UNC80: variants seen among roughly 807,000 people sequenced by gnomAD.
The protein encoded by UNC80 is protein unc-80 homolog.
A neutral mutation model predicts 384.6 loss-of-function variants in UNC80; 164 were observed. The observed-to-expected ratio is 0.43, with a 90% CI of 0.38 to 0.49. UNC80 has a LOEUF of 0.49. Ranked by LOEUF, UNC80 falls within the 20% of genes least tolerant of loss-of-function variation. The pLI is 0.00. For synonymous variants in UNC80, 1,486 were observed against 1,527.8 expected, an observed-to-expected ratio of 0.97 and a Z score of 0.64; for missense variants, 3,330 against 4,143.0, an observed-to-expected ratio of 0.80 and a Z score of 5.39.
Position 209,922,335 on chromosome 2 carries a change from T to C in UNC80, c.5614T>C (p.Phe1872Leu). 1 of 1,551,978 alleles carries C rather than the reference T, an allele frequency of 6.4e-7. No homozygotes were observed. The highest frequency in any genetic ancestry group is 1.2e-5 in the South Asian group (1 of 84,064). The change falls in exon 35 of 65, where the codon TTC (phenylalanine) becomes CTC (leucine). Residue 1872 changes from phenylalanine (F) to leucine (L), a missense_variant. Phe to Leu is a conservative substitution (Grantham distance 22). Around this residue, in one of 8 missense-constraint regions of UNC80, gnomAD observed 1,049 missense variants for 1,488.6 expected, o/e 0.70. Transcript: ENST00000673920. ...TSSTSHRNYS[F>L]RRGSVWSVRS... ...CAGCACTTCCCACAGGAATTATTCC[T>C]TCCGCCGCGGGTCAGTCTGGTCAGT...
intron 56 of UNC80, among the ~76,000 whole-genome samples, chr2:209,974,362 A>C (rs1057153689): frequency 3.3e-5 from 5 of 152,240 alleles, no homozygotes; most frequent in Admixed American, 2.0e-4. Context: ...CAAAAGTAGA[A>C]TTCAAATCTA....
intron 61 of UNC80, among the ~76,000 whole-genome samples, chr2:209,987,995 A>C (rs1401607141): frequency 6.6e-6 from 1 of 152,226 alleles, no homozygotes; most frequent in African/African-American, 2.4e-5. Context: ...TCTAAGATCC[A>C]GATTATTCCC....
At chr2:209,804,948 A>G (rs2078799042) in intron 7 of UNC80, among the ~76,000 whole-genome samples, 1 of 152,056 alleles carries the variant, frequency 6.6e-6, no homozygotes, top group African/African-American at 2.4e-5. Flanking sequence ...CCTTGGCTTC[A>G]TCTTTAGACC....
chr2:209,993,102 C>A (rs2093421330), intron 62 of UNC80, among the ~76,000 whole-genome samples: 1 of 152,162 alleles, frequency 6.6e-6, no homozygotes. Context: ...AGTCAATGTT[C>A]TTGGCATATA....
chr2:209,956,808 G>A (rs967372597), intron 48 of UNC80, among the ~76,000 whole-genome samples: 9 of 152,018 alleles, frequency 5.9e-5, no homozygotes, highest in African/African-American at 2.2e-4. Context: ...ATAATCACTA[G>A]AGTAACACCA....
chr2:209,995,642 A>C lies in UNC80; in HGVS notation c.*47A>C. ...CAGGTATAGAGAAGACATGAAAGTG[A>C]TCTCTCTACTACAAGTTCAATACTT... On this transcript the variant is annotated 3_prime_UTR_variant, in exon 65 of 65. Transcript: ENST00000673920. 1 of 1,534,816 alleles carries C rather than the reference A, an allele frequency of 6.5e-7. No homozygotes were observed. Among genetic ancestry groups the C allele is most frequent in the Non-Finnish European group, 8.8e-7 (1 of 1,135,860 alleles).
At chr2:209,896,715 C>A (rs532981036) in intron 28 of UNC80, among the ~76,000 whole-genome samples, 3 of 152,058 alleles carry the variant, frequency 2.0e-5, no homozygotes, top group Non-Finnish European at 4.4e-5. Context: ...AGTGACACAG[C>A]GTAGGTATCA....
At chr2:209,788,436 A>T (rs1047284838) in intron 5 of UNC80, among the ~76,000 whole-genome samples, 2 of 150,582 alleles carry the variant, frequency 1.3e-5, no homozygotes, top group Admixed American at 6.6e-5. Flanking sequence ...AAAAAGTTTT[A>T]AAAAAAAGTA....
intron 61 of UNC80, among the ~76,000 whole-genome samples, chr2:209,991,196 C>A (rs1227611681): frequency 1.3e-5 from 2 of 152,212 alleles, no homozygotes; most frequent in Non-Finnish European, 2.9e-5. Context: ...TAAGAACTAT[C>A]TGTAGATGAC....
intron 27 of UNC80, among the ~76,000 whole-genome samples, chr2:209,894,746 C>T (rs929685659): frequency 6.6e-6 from 1 of 152,186 alleles, no homozygotes; most frequent in Non-Finnish European, 1.5e-5. Flanking sequence ...AAAGGACAGT[C>T]TTTGAAATTC....
chr2:209,811,945 A>C (rs907074564), intron 7 of UNC80, among the ~76,000 whole-genome samples: 3 of 152,260 alleles, frequency 2.0e-5, no homozygotes, highest in African/African-American at 7.2e-5. Context: ...ACCCACAGTC[A>C]GAAATGTATT....
intron 15 of UNC80, among the ~76,000 whole-genome samples, chr2:209,830,108 G>C (rs1228229519): frequency 6.6e-6 from 1 of 152,200 alleles, no homozygotes; most frequent in Non-Finnish European, 1.5e-5. Context: ...ATTTTAATTA[G>C]AGTCTGGGAA....
At chr2:209,861,217 G>A (rs1442355494) in intron 22 of UNC80, among the ~76,000 whole-genome samples, 1 of 152,142 alleles carries the variant, frequency 6.6e-6, no homozygotes, top group African/African-American at 2.4e-5. Context: ...TTTGAGATAT[G>A]TTCCATCAAT....
intron 59 of UNC80, among the ~76,000 whole-genome samples, chr2:209,980,909 T>A (rs1437379583): frequency 6.6e-6 from 1 of 152,232 alleles, no homozygotes; most frequent in African/African-American, 2.4e-5. Flanking sequence ...TAGCTGAATC[T>A]ATCCTACCAC....
chr2:209,790,574 AT>A lies in UNC80; in HGVS notation c.798+972del, dbSNP rs535357187. 1.0e-3 allele frequency among the ~76,000 whole-genome samples: 153 copies of A among 152,280 alleles called. 1 individual carries two copies. Among genetic ancestry groups the A allele is most frequent in the African/African-American group, 3.4e-3 (141 of 41,564 alleles). ...TGGTTGTAATTCTTGTGCAGCATGA[AT>A]TTGGTCATTTCCAGCATCTAAATTT... is the stretch of plus-strand genomic sequence containing the variant. On this transcript the variant is annotated intron_variant, in intron 6 of 64. Transcript: ENST00000673920.
intron 22 of UNC80, 34 bp downstream of exon 22, chr2:209,849,657 C>G (rs1006088481): frequency 6.5e-7 from 1 of 1,545,466 alleles, no homozygotes; most frequent in African/African-American, 1.4e-5. Flanking sequence ...CACCCTGCCC[C>G]CCATCCCAAG....
At position 209,839,249 on chromosome 2, in the gene UNC80, G is replaced by T. The variant is rs769646620; in HGVS notation, c.3069G>T (p.Leu1023Phe). ...ATGAACAAATGCAAGGAGCCAACTTGGGGCGGAAAGATTTCTGGCGTAAGA... is the reference window on the plus strand; with the variant it reads ...ATGAACAAATGCAAGGAGCCAACTTTGGGCGGAAAGATTTCTGGCGTAAGA... ...EHDEQMQGAN[L>F]GRKDFWRKMF... The change falls in exon 19 of 65, where the codon TTG (leucine) becomes TTT (phenylalanine). Residue 1023 changes from leucine (L) to phenylalanine (F), a missense_variant. Coordinates refer to ENST00000673920, the MANE Select transcript of UNC80 (RefSeq NM_001371986.1). The surrounding 1 kb of genome is among the most constrained non-coding windows in gnomAD (Gnocchi z 4.1). 16 of 1,551,520 alleles carry T rather than the reference G, an allele frequency of 1.0e-5. No individual in the cohort carries two copies. Among genetic ancestry groups the T allele is most frequent in the Non-Finnish European group, 1.3e-5 (15 of 1,146,984 alleles).
At chr2:209,877,453 C>G (rs2084881671) in intron 23 of UNC80, among the ~76,000 whole-genome samples, 1 of 152,008 alleles carries the variant, frequency 6.6e-6, no homozygotes, top group Admixed American at 6.6e-5. Context: ...TAAAAGAAGC[C>G]AATAAGTACA....
intron 55 of UNC80, 60 bp downstream of exon 55, chr2:209,972,384 G>A: frequency 6.5e-7 from 1 of 1,532,338 alleles, no homozygotes; most frequent in Non-Finnish European, 8.8e-7. Context: ...TAAATGTCAG[G>A]CTGTTATTTC....
Sources: gnomAD v4.1 joint callset for allele counts (sites outside exome capture counted in the v4.1 genomes callset) on GRCh38, gnomAD v4.1.1 for gene constraint, gnomAD v4.1.1 regional missense constraint, Gnocchi (gnomAD v3.1) non-coding constraint, MANE v1.5 for transcripts, NCBI Gene and HGNC (gene_info 2026-07-23, HGNC 2026-07-21) for gene names.